CNTNAP2: variants seen among roughly 807,000 people sequenced by gnomAD.
CNTNAP2 encodes the protein contactin associated protein 2, also known as contactin-associated protein-like 2.
CNTNAP2 carries 98 observed loss-of-function variants against 155.2 expected under a neutral mutation model. That is an observed-to-expected ratio of 0.63 (90% CI 0.54 to 0.75). The LOEUF is 0.75. CNTNAP2 is among the 30% of genes least tolerant of loss of function. CNTNAP2 has a pLI of 0.00. For synonymous variants in CNTNAP2, 651 were observed against 631.2 expected (o/e 1.03, Z -0.47); for missense variants, 1,727 against 1,688.1 (o/e 1.02, Z -0.40).
At chr7:146,399,898 G>T (rs954105143) in intron 1 of CNTNAP2, among the ~76,000 whole-genome samples, 1 of 152,024 alleles carries the variant, frequency 6.6e-6, no homozygotes, top group Non-Finnish European at 1.5e-5. Context: ...AAATTTGCTT[G>T]TTGCTTATTT....
intron 1 of CNTNAP2, among the ~76,000 whole-genome samples, chr7:146,449,620 A>G (rs1369277399): frequency 6.6e-6 from 1 of 152,186 alleles, no homozygotes; most frequent in Non-Finnish European, 1.5e-5. Flanking sequence ...AGCCCTAGCT[A>G]GCCCTTTGAT....
At chr7:146,371,536 T>G (rs1430857731) in intron 1 of CNTNAP2, among the ~76,000 whole-genome samples, 2 of 151,820 alleles carry the variant, frequency 1.3e-5, no homozygotes, top group Non-Finnish European at 2.9e-5. Flanking sequence ...GCCAGCTAAT[T>G]TTTTTATTTT....
chr7:147,647,108 C>T (rs1284068116), intron 13 of CNTNAP2, among the ~76,000 whole-genome samples: 1 of 151,746 alleles, frequency 6.6e-6, no homozygotes, highest in Admixed American at 6.6e-5. Context: ...CTGCCTCAGC[C>T]TCCTGAGTAG....
chr7:147,067,671 C>A (rs1220983861), intron 4 of CNTNAP2, among the ~76,000 whole-genome samples: 1 of 152,074 alleles, frequency 6.6e-6, no homozygotes, highest in Non-Finnish European at 1.5e-5. Context: ...TCACTTTGGG[C>A]AAACTACTTA....
chr7:147,371,833 TAATAA>T (rs1485460301), intron 9 of CNTNAP2, among the ~76,000 whole-genome samples: 1 of 152,178 alleles, frequency 6.6e-6, no homozygotes, highest in Non-Finnish European at 1.5e-5. Flanking sequence ...TTATGCATTT[TAATAA>T]AATATAGTCA....
chr7:148,015,778 G>T (rs1350360649), intron 15 of CNTNAP2, among the ~76,000 whole-genome samples: 1 of 152,078 alleles, frequency 6.6e-6, no homozygotes, highest in Non-Finnish European at 1.5e-5. Context: ...TTTGTTTCAG[G>T]ATTTTTCAAT....
At chr7:147,802,375 G>C in intron 13 of CNTNAP2, among the ~76,000 whole-genome samples, 1 of 152,044 alleles carries the variant, frequency 6.6e-6, no homozygotes, top group African/African-American at 2.4e-5. Flanking sequence ...AGACGGGGTG[G>C]CGGCCGGGCA....
chr7:147,960,226 T>C (rs1401135355), intron 14 of CNTNAP2, among the ~76,000 whole-genome samples: 1 of 151,948 alleles, frequency 6.6e-6, no homozygotes. Context: ...TAATAACTGG[T>C]TTTTATGGAG....
rs28516693 is a variant in CNTNAP2 at position 146,669,593 on chromosome 7, A to G, written c.98-104678A>G. 6.3e-3 allele frequency among the ~76,000 whole-genome samples: 959 copies of G among 152,254 alleles called. 9 individuals are homozygous for G. The highest frequency in any genetic ancestry group is 0.022 in the African/African-American group (918 of 41,558). On this transcript the variant is annotated intron_variant, in intron 1 of 23. Transcript: ENST00000361727. ...TCAGAACATGTGCTTTTTAAAATTT[A>G]TCCAACTTTGGTAATTTTGGTTTTT...
chr7:148,076,595 C>G (rs1803491237), intron 15 of CNTNAP2, among the ~76,000 whole-genome samples: 2 of 151,622 alleles, frequency 1.3e-5, no homozygotes, highest in South Asian at 4.2e-4. Context: ...GCCACCATGC[C>G]CGGCTAATTT....
rs999797746 is a variant in CNTNAP2 at position 146,256,785 on chromosome 7, T to TG, written c.97+139815dup. ...TGCAGATATTTCCTTCAATTACTGG[T>TG]GGGAAAAAAAAACATGAGATTTGAA... On this transcript the variant is annotated intron_variant, in intron 1 of 23. Transcript: ENST00000361727. Among the ~76,000 whole-genome samples the TG allele has an allele frequency of 3.1e-4, 47 of 151,654 alleles. 1 individual carries two copies. Among genetic ancestry groups the TG allele is most frequent in the Non-Finnish European group, 6.3e-4 (43 of 67,900 alleles).
chr7:146,652,373 C>G (rs1799929619), intron 1 of CNTNAP2, among the ~76,000 whole-genome samples: 5 of 152,118 alleles, frequency 3.3e-5, no homozygotes, highest in Admixed American at 3.3e-4. Flanking sequence ...TGGGCTACTT[C>G]TGTTTTCATT....
intron 8 of CNTNAP2, among the ~76,000 whole-genome samples, chr7:147,274,103 A>C (rs1170066863): frequency 6.6e-6 from 1 of 151,740 alleles, no homozygotes; most frequent in Non-Finnish European, 1.5e-5. Context: ...GTTGATACAC[A>C]CTTAGGTTGA....
At chr7:147,535,516 C>T (rs1051408097) in intron 11 of CNTNAP2, among the ~76,000 whole-genome samples, 5 of 152,180 alleles carry the variant, frequency 3.3e-5, no homozygotes, top group Non-Finnish European at 7.3e-5. Flanking sequence ...AGAATGAAAA[C>T]TTCCTAAAAT....
chr7:147,515,176 A>G (rs545413263), intron 11 of CNTNAP2, among the ~76,000 whole-genome samples: 45 of 152,248 alleles, frequency 3.0e-4, no homozygotes, highest in Non-Finnish European at 4.3e-4. Context: ...CTGCATGGCA[A>G]GATCCATCAA....
At chr7:147,755,954 G>A (rs1202754744) in intron 13 of CNTNAP2, among the ~76,000 whole-genome samples, 3 of 152,138 alleles carry the variant, frequency 2.0e-5, no homozygotes, top group Admixed American at 2.0e-4. Flanking sequence ...TCATTCTCCC[G>A]AAGGAGACTT....
At chr7:147,595,614 C>A (rs1800813199) in intron 12 of CNTNAP2, among the ~76,000 whole-genome samples, 1 of 152,156 alleles carries the variant, frequency 6.6e-6, no homozygotes, top group South Asian at 2.1e-4. Flanking sequence ...TCTTGCTTTC[C>A]ATAATAACTT....
In CNTNAP2 at chr7:146,306,330, G is replaced by A. The variant is rs199525074; in HGVS notation, c.97+189357G>A. ...TCTACCAGAGGGACAAAGAGGAGCT[G>A]GTACCATTCCTTCTGAAACTATTCC... is the stretch of plus-strand genomic sequence containing the variant. On this transcript the variant is annotated intron_variant, in intron 1 of 23. Coordinates refer to ENST00000361727, the MANE Select transcript of CNTNAP2 (RefSeq NM_014141.6). 2.0e-4 allele frequency among the ~76,000 whole-genome samples: 31 copies of A among 152,226 alleles called. 1 individual carries two copies. The East Asian group carries it at 5.8e-3, about 28-fold the overall frequency.
chr7:146,485,052 G>C (rs1358483480), intron 1 of CNTNAP2, among the ~76,000 whole-genome samples: 1 of 152,006 alleles, frequency 6.6e-6, no homozygotes, highest in Non-Finnish European at 1.5e-5. Context: ...TGTTCTTTCT[G>C]ATTTTGCCAG....
Sources: allele counts gnomAD v4.1 joint callset (sites outside exome capture counted in the v4.1 genomes callset), GRCh38; gene constraint gnomAD v4.1.1; transcripts MANE v1.5; gene names NCBI Gene and HGNC (gene_info 2026-07-23, HGNC 2026-07-21).